PKNOX2: variants seen among roughly 807,000 people sequenced by gnomAD.
PKNOX2 encodes the protein PBX/knotted 1 homeobox 2.
A neutral mutation model predicts 53.1 loss-of-function variants in PKNOX2; 14 were observed. That is an observed-to-expected ratio of 0.26 (90% confidence interval 0.17 to 0.41). PKNOX2 has a LOEUF of 0.41. PKNOX2 is among the 10% of genes least tolerant of loss of function. PKNOX2 has a pLI of 1.00. For synonymous variants in PKNOX2, 257 were observed against 242.8 expected, an observed-to-expected ratio of 1.06 and a Z score of -0.54; for missense variants, 496 against 602.8, an observed-to-expected ratio of 0.82 and a Z score of 1.85.
chr11:125,413,265 G>A (rs976753265), intron 10 of PKNOX2, among the ~76,000 whole-genome samples: 2 of 152,220 alleles, frequency 1.3e-5, no homozygotes, highest in South Asian at 4.1e-4. Flanking sequence ...TAGGTGATGA[G>A]GCCAGAGGCC....
intron 2 of PKNOX2, among the ~76,000 whole-genome samples, chr11:125,306,747 C>T (rs1375062553): frequency 6.6e-6 from 1 of 152,170 alleles, no homozygotes; most frequent in African/African-American, 2.4e-5. Flanking sequence ...CCCTAGAGAC[C>T]CCGGCACAGC....
At chr11:125,430,820 G>A (rs950972442) in intron 12 of PKNOX2, among the ~76,000 whole-genome samples, 5 of 151,910 alleles carry the variant, frequency 3.3e-5, no homozygotes, top group South Asian at 2.1e-4. Flanking sequence ...CTCTGTCATC[G>A]CTGACAATGT....
chr11:125,340,331 T>C (rs1481502915), intron 3 of PKNOX2, among the ~76,000 whole-genome samples: 1 of 152,224 alleles, frequency 6.6e-6, no homozygotes, highest in Non-Finnish European at 1.5e-5. Flanking sequence ...AACTGGCAGC[T>C]TGGTTTTATA....
chr11:125,216,323 T>A (rs1940490480), intron 1 of PKNOX2, among the ~76,000 whole-genome samples: 1 of 152,172 alleles, frequency 6.6e-6, no homozygotes, highest in Non-Finnish European at 1.5e-5. Flanking sequence ...GGTGTGACCC[T>A]GGGCCCCTCT....
chr11:125,280,348 C>T (rs991798866), intron 2 of PKNOX2, among the ~76,000 whole-genome samples: 18 of 152,286 alleles, frequency 1.2e-4, no homozygotes, highest in African/African-American at 4.3e-4. Context: ...AACCTGTGTG[C>T]ATCTGGGGAA....
chr11:125,292,967 G>C (rs11605040), intron 2 of PKNOX2, among the ~76,000 whole-genome samples: 1 of 151,978 alleles, frequency 6.6e-6, no homozygotes, highest in African/African-American at 2.4e-5. Context: ...AGCGTCGCAG[G>C]CAGCCTGGAC....
Position 125,351,477 on chromosome 11 carries a change from A to C in PKNOX2, c.87+85A>C, listed in dbSNP as rs1565503782. The C allele has an allele frequency of 5.7e-6, 5 of 883,828 alleles. No homozygotes were observed. In the South Asian group the frequency reaches 7.8e-5, roughly 14 times the overall value. 54.7% of individuals were successfully genotyped at this position (883,828 alleles called of 1,614,324 possible). A position where few individuals can be genotyped will look rare whatever the true frequency, so the allele number is the denominator to read the frequency against. ...CCCCAGCTGCAGGCTGGGACATTCC[A>C]GGGGCCGACGGGCAGAGCCAGGCCT... On this transcript the variant is annotated intron_variant, in intron 4 of 12. Coordinates refer to ENST00000298282, the MANE Select transcript of PKNOX2 (RefSeq NM_001382323.2).
chr11:125,215,147 G>A (rs1940341219), intron 1 of PKNOX2, among the ~76,000 whole-genome samples: 1 of 152,102 alleles, frequency 6.6e-6, no homozygotes, highest in Non-Finnish European at 1.5e-5. Flanking sequence ...GCAGTTGGGA[G>A]GCTCTCGGAT....
chr11:125,301,658 T>C (rs943549443), intron 2 of PKNOX2, among the ~76,000 whole-genome samples: 37 of 151,974 alleles, frequency 2.4e-4, no homozygotes, highest in Admixed American at 4.6e-4. Context: ...GCCCTGGAAA[T>C]GTCAAAAGAT....
chr11:125,171,805 G>A (rs528124686), intron 1 of PKNOX2, among the ~76,000 whole-genome samples: 238 of 152,380 alleles, frequency 1.6e-3, no homozygotes, highest in Middle Eastern at 3.4e-3. Context: ...CCTGGCAGAG[G>A]CTGCAGTAGA....
chr11:125,418,458 G>C (rs1956004528), intron 10 of PKNOX2, among the ~76,000 whole-genome samples: 2 of 151,966 alleles, frequency 1.3e-5, no homozygotes, highest in African/African-American at 4.9e-5. Context: ...TCTGTCAGAT[G>C]CCCAGCTATC....
chr11:125,353,205 G>C (rs1230518470), intron 4 of PKNOX2, among the ~76,000 whole-genome samples: 1 of 152,194 alleles, frequency 6.6e-6, no homozygotes, highest in Non-Finnish European at 1.5e-5. Flanking sequence ...GCAGGTGGTA[G>C]CTGCCAAGGC....
intron 4 of PKNOX2, among the ~76,000 whole-genome samples, chr11:125,358,362 G>A (rs1263122600): frequency 1.3e-5 from 2 of 152,214 alleles, no homozygotes; most frequent in African/African-American, 4.8e-5. Flanking sequence ...ATCTTCCAGA[G>A]GGAAGCGATG....
chr11:125,269,707 T>C (rs923173132), intron 2 of PKNOX2, among the ~76,000 whole-genome samples: 2 of 152,146 alleles, frequency 1.3e-5, no homozygotes, highest in African/African-American at 2.4e-5. Context: ...CTATCTTCAA[T>C]AGAATGGGGC....
chr11:125,229,634 C>T (rs543023868), intron 1 of PKNOX2, among the ~76,000 whole-genome samples: 14 of 151,998 alleles, frequency 9.2e-5, no homozygotes, highest in South Asian at 4.2e-4. Context: ...AGGGTGGATG[C>T]GCAAAAACAG....
intron 5 of PKNOX2, 114 bp from the exon 6 acceptor site, chr11:125,385,436 TG>T: frequency 8.3e-7 from 1 of 1,198,558 alleles, no homozygotes; most frequent in Non-Finnish European, 1.2e-6. Flanking sequence ...TATCAAGGAG[TG>T]GGACCTTGGG....
intron 1 of PKNOX2, among the ~76,000 whole-genome samples, chr11:125,205,311 G>C (rs1408052338): frequency 6.6e-6 from 1 of 151,992 alleles, no homozygotes; most frequent in Non-Finnish European, 1.5e-5. Flanking sequence ...GTGGGGAGCG[G>C]GGGAGAGCTG....
chr11:125,374,689 G>A (rs940328946), intron 5 of PKNOX2, among the ~76,000 whole-genome samples: 1 of 152,176 alleles, frequency 6.6e-6, no homozygotes, highest in African/African-American at 2.4e-5. Context: ...CCTAGGTAGA[G>A]CTCCATCATC....
At chr11:125,285,008 G>A (rs1302729485) in intron 2 of PKNOX2, among the ~76,000 whole-genome samples, 2 of 152,044 alleles carry the variant, frequency 1.3e-5, no homozygotes, top group Admixed American at 6.6e-5. Flanking sequence ...AGCAGAAAGA[G>A]CCCCATCTGG....
Sources: gnomAD v4.1 joint callset for allele counts (sites outside exome capture counted in the v4.1 genomes callset) on GRCh38, gnomAD v4.1.1 for gene constraint, MANE v1.5 for transcripts, NCBI Gene and HGNC (gene_info 2026-07-23, HGNC 2026-07-21) for gene names.